The following MSRA variants were observed in gnomAD, a reference collection of about 807,000 sequenced individuals.
MSRA encodes the protein mitochondrial peptide methionine sulfoxide reductase.
MSRA carries 54 observed loss-of-function variants against 31.3 expected under a neutral mutation model. The ratio of observed to expected loss-of-function variants is 1.73; its 90% CI spans 1.39 to 2.17. The LOEUF is 2.17. Among genes scored for constraint, MSRA ranks in the 30% most tolerant of loss-of-function variants. The probability of loss-of-function intolerance (pLI) is 0.00; values close to 1 mark genes in which losing one functional copy is unlikely to be tolerated. For synonymous variants in MSRA, 169 were observed against 116.5 expected (o/e 1.45, Z -2.90); for missense variants, 507 against 300.9 (o/e 1.69, Z -5.07).
At chr8:10,058,679 G>A (rs776780721) in intron 1 of MSRA, among the ~76,000 whole-genome samples, 1 of 152,206 alleles carries the variant, frequency 6.6e-6, no homozygotes, top group African/African-American at 2.4e-5. Context: ...GCTTAATGAA[G>A]AAACGTTGAG....
At chr8:10,153,383 G>T (rs894135997) in intron 1 of MSRA, among the ~76,000 whole-genome samples, 1 of 151,856 alleles carries the variant, frequency 6.6e-6, no homozygotes. Flanking sequence ...TCCCTCTCAC[G>T]TGCCTGCTGT....
intron 1 of MSRA, among the ~76,000 whole-genome samples, chr8:10,120,485 A>T (rs950642090): frequency 1.3e-5 from 2 of 152,244 alleles, no homozygotes; most frequent in Non-Finnish European, 2.9e-5. Context: ...TGTATGGCTC[A>T]GTCACTTCCA....
intron 1 of MSRA, among the ~76,000 whole-genome samples, chr8:10,059,578 A>G (rs561532348): frequency 2.0e-5 from 3 of 152,340 alleles, no homozygotes; most frequent in Admixed American, 1.3e-4. Flanking sequence ...TGACTTAACC[A>G]TGACTTGAAA....
chr8:10,268,138 G>C (rs1036570005), intron 3 of MSRA, among the ~76,000 whole-genome samples: 1 of 152,220 alleles, frequency 6.6e-6, no homozygotes, highest in African/African-American at 2.4e-5. Context: ...TACATATGAA[G>C]ATGAGCAGAG....
intron 5 of MSRA, among the ~76,000 whole-genome samples, chr8:10,387,376 C>G (rs969554639): frequency 6.6e-6 from 1 of 152,122 alleles, no homozygotes; most frequent in South Asian, 2.1e-4. Context: ...GAACAGAAAT[C>G]AACAGGAGAA....
intron 5 of MSRA, among the ~76,000 whole-genome samples, chr8:10,329,696 G>A (rs1196866895): frequency 6.6e-6 from 1 of 151,930 alleles, no homozygotes; most frequent in East Asian, 1.9e-4. Flanking sequence ...GAAATTGGGG[G>A]CTCTTCCTCG....
intron 2 of MSRA, among the ~76,000 whole-genome samples, chr8:10,234,621 A>G (rs928681011): frequency 6.6e-6 from 1 of 152,096 alleles, no homozygotes; most frequent in African/African-American, 2.4e-5. Context: ...TAAATATATT[A>G]AAATTACTAA....
chr8:10,213,770 T>C lies in MSRA; in HGVS notation c.211+5869T>C, dbSNP rs1248132422. Among the ~76,000 whole-genome samples, 3 of 152,104 alleles carry C rather than the reference T, an allele frequency of 2.0e-5. No homozygotes were observed. The East Asian group carries it at 5.8e-4, about 29-fold the overall frequency. On this transcript the variant is annotated intron_variant, in intron 2 of 5. Transcript: ENST00000317173. ...GCTTCCAAATCTTGGTTGTTGTGAATAACTGCTGCAGCAAACCTGGGAGTG... is the reference window on the plus strand; with the variant it reads ...GCTTCCAAATCTTGGTTGTTGTGAACAACTGCTGCAGCAAACCTGGGAGTG...
intron 5 of MSRA, among the ~76,000 whole-genome samples, chr8:10,320,847 G>C (rs1056096464): frequency 6.6e-6 from 1 of 152,068 alleles, no homozygotes; most frequent in Admixed American, 6.6e-5. Flanking sequence ...TTTTATGTGC[G>C]TGTGTTTCTT....
chr8:10,387,232 C>G (rs1232500888), intron 5 of MSRA, among the ~76,000 whole-genome samples: 1 of 152,170 alleles, frequency 6.6e-6, no homozygotes, highest in Non-Finnish European at 1.5e-5. Flanking sequence ...ATCGATGTCA[C>G]AAAATCTCTA....
chr8:10,260,484 C>T (rs970382326), intron 3 of MSRA, among the ~76,000 whole-genome samples: 4 of 152,150 alleles, frequency 2.6e-5, no homozygotes, highest in African/African-American at 9.7e-5. Context: ...AGGCAGCACG[C>T]AGAGTTGACA....
chr8:10,242,292 AGAC>A (rs1797372950), intron 2 of MSRA, among the ~76,000 whole-genome samples: 1 of 151,976 alleles, frequency 6.6e-6, no homozygotes, highest in Non-Finnish European at 1.5e-5. Flanking sequence ...AAGAACTTAA[AGAC>A]GTATCAAATT....
At chr8:10,247,558 C>A (rs4841294) in intron 3 of MSRA, among the ~76,000 whole-genome samples, 51,900 of 152,062 alleles carry the variant, frequency 0.34, 10,062 homozygotes, top group Non-Finnish European at 0.45. Context: ...CAAGCCAGTT[C>A]ATGCAAACAG....
chr8:10,121,869 C>A (rs1384243472), intron 1 of MSRA, among the ~76,000 whole-genome samples: 2 of 148,320 alleles, frequency 1.3e-5, no homozygotes, highest in Non-Finnish European at 3.0e-5. Context: ...TTGGTAGAAA[C>A]AGGGTTTTGT....
In MSRA at chr8:10,339,628, G is replaced by A. The variant is rs973645042; in HGVS notation, c.543+19639G>A. 6.8e-5 allele frequency among the ~76,000 whole-genome samples: 9 copies of A among 132,414 alleles called. No homozygotes were observed. The South Asian group carries it at 1.0e-3, about 15-fold the overall frequency. The allele number at this position is 132,414 out of a possible 152,430, so 86.9% of individuals were successfully genotyped here. A position where few individuals can be genotyped will look rare whatever the true frequency, so the allele number is the denominator to read the frequency against. On this transcript the variant is annotated intron_variant, in intron 5 of 5. Transcript: ENST00000317173. ...GCGATCTTGGCTCACTGCAAGCTCC[G>A]CCTCCCAGGTTCACGCCATTCTCCT...
chr8:10,414,888 C>T (rs756048123), intron 5 of MSRA, among the ~76,000 whole-genome samples: 1 of 152,138 alleles, frequency 6.6e-6, no homozygotes, highest in Non-Finnish European at 1.5e-5. Context: ...CCTCAGAGAT[C>T]TATACAAAGA....
At chr8:10,317,501 A>G (rs1229199643) in intron 4 of MSRA, among the ~76,000 whole-genome samples, 1 of 152,202 alleles carries the variant, frequency 6.6e-6, no homozygotes, top group African/African-American at 2.4e-5. Context: ...TTGTCCCTTT[A>G]AAATCTTCTT....
intron 1 of MSRA, among the ~76,000 whole-genome samples, chr8:10,194,469 G>C (rs1485577202): frequency 6.6e-6 from 1 of 152,186 alleles, no homozygotes; most frequent in East Asian, 1.9e-4. Flanking sequence ...GGGAGGCTGA[G>C]GCAGGAAAAT....
chr8:10,226,960 G>T (rs1345956000), intron 2 of MSRA, among the ~76,000 whole-genome samples: 1 of 152,140 alleles, frequency 6.6e-6, no homozygotes, highest in East Asian at 1.9e-4. Flanking sequence ...GCAGCTGGGA[G>T]AACTGTGCTG....
Sources: allele counts gnomAD v4.1 joint callset (sites outside exome capture counted in the v4.1 genomes callset), GRCh38; gene constraint gnomAD v4.1.1; transcripts MANE v1.5; gene names NCBI Gene and HGNC (gene_info 2026-07-23, HGNC 2026-07-21).